GRID2: variants seen among roughly 807,000 people sequenced by gnomAD.
The protein encoded by GRID2 is glutamate receptor ionotropic, delta-2.
Under a neutral mutation model 114.8 loss-of-function variants are expected in GRID2, and 33 were observed. The observed-to-expected ratio is 0.29, with a 90% CI of 0.22 to 0.38. GRID2 has a LOEUF of 0.38. Ranked by LOEUF, GRID2 falls within the 10% of genes least tolerant of loss-of-function variation. The pLI is 1.00. For missense variants in GRID2, 1,184 were observed against 1,257.7 expected (o/e 0.94, Z 0.89); for synonymous variants, 505 against 449.9 (o/e 1.12, Z -1.55).
In GRID2 at chr4:93,434,479, C is replaced by T. The variant is rs1192770718; in HGVS notation, c.1545+11511C>T. On this transcript the variant is annotated intron_variant, in intron 10 of 15. Coordinates refer to ENST00000282020, the MANE Select transcript of GRID2 (RefSeq NM_001510.4). Reference sequence around the variant, plus strand: ...ATATATAAAAAAAATTTAAAAAAGACCAAAGCCAACAATCTCTTCTAAACT... The same window carrying T: ...ATATATAAAAAAAATTTAAAAAAGATCAAAGCCAACAATCTCTTCTAAACT... 3.3e-5 allele frequency among the ~76,000 whole-genome samples: 5 copies of T among 152,116 alleles called. 1 individual carries two copies. The East Asian group carries it at 9.7e-4, about 29-fold the overall frequency.
intron 1 of GRID2, among the ~76,000 whole-genome samples, chr4:92,340,337 A>G (rs1026016314): frequency 1.3e-5 from 2 of 152,152 alleles, no homozygotes; most frequent in Non-Finnish European, 2.9e-5. Context: ...ATTTTCCCGC[A>G]TGAGTGTCCC....
intron 1 of GRID2, among the ~76,000 whole-genome samples, chr4:92,412,897 G>T (rs901204521): frequency 3.3e-5 from 5 of 152,112 alleles, no homozygotes; most frequent in Admixed American, 2.6e-4. Context: ...ACAAATCAGA[G>T]GTCATTGCTT....
chr4:93,143,919 T>G (rs1735975070), intron 4 of GRID2, among the ~76,000 whole-genome samples: 1 of 152,186 alleles, frequency 6.6e-6, no homozygotes, highest in South Asian at 2.1e-4. Flanking sequence ...GAAGTTTTTC[T>G]TAAAGGACAT....
intron 1 of GRID2, among the ~76,000 whole-genome samples, chr4:92,356,402 A>G (rs1728324473): frequency 6.6e-6 from 1 of 151,468 alleles, no homozygotes; most frequent in Non-Finnish European, 1.5e-5. Context: ...GGTTTAGGAA[A>G]ACGTTCTATT....
intron 8 of GRID2, among the ~76,000 whole-genome samples, chr4:93,385,875 G>A (rs543885890): frequency 2.0e-5 from 3 of 151,926 alleles, no homozygotes; most frequent in Non-Finnish European, 4.4e-5. Context: ...CCATCCTAAT[G>A]TTCTTTACTT....
intron 14 of GRID2, among the ~76,000 whole-genome samples, chr4:93,726,814 G>C (rs556080334): frequency 6.6e-6 from 1 of 152,154 alleles, no homozygotes; most frequent in African/African-American, 2.4e-5. Flanking sequence ...AAGAATGCTT[G>C]TGATTTTTGT....
At chr4:92,607,587 A>G (rs1209393771) in intron 2 of GRID2, among the ~76,000 whole-genome samples, 1 of 151,884 alleles carries the variant, frequency 6.6e-6, no homozygotes, top group African/African-American at 2.4e-5. Flanking sequence ...AACGAGTTAC[A>G]ACAGACCTGT....
chr4:93,590,147 G>A (rs889280446), intron 13 of GRID2, among the ~76,000 whole-genome samples: 18 of 150,426 alleles, frequency 1.2e-4, no homozygotes, highest in African/African-American at 4.4e-4. Context: ...GTCCTGAATG[G>A]TAATGCCTAG....
intron 8 of GRID2, among the ~76,000 whole-genome samples, chr4:93,253,904 T>C (rs917811460): frequency 6.6e-6 from 1 of 152,162 alleles, no homozygotes; most frequent in Non-Finnish European, 1.5e-5. Context: ...TTTCTCTACT[T>C]CTTTTCCCTC....
intron 2 of GRID2, among the ~76,000 whole-genome samples, chr4:92,933,411 T>A (rs1442513154): frequency 1.3e-5 from 2 of 151,402 alleles, no homozygotes; most frequent in African/African-American, 4.8e-5. Flanking sequence ...AATTTTAAAT[T>A]CTATGCTTCA....
intron 8 of GRID2, among the ~76,000 whole-genome samples, chr4:93,301,058 T>C (rs2149167515): frequency 6.6e-6 from 1 of 152,312 alleles, no homozygotes; most frequent in Non-Finnish European, 1.5e-5. Flanking sequence ...CTGTCTTTGG[T>C]TTTACTGCCT....
chr4:93,020,892 C>A lies in GRID2; in HGVS notation c.245-64103C>A, dbSNP rs578215566. ...TACTAAAAATACAAAATTAGCCGGG[C>A]ATGGTGGCGGGCACCTGTAATCCCA... On this transcript the variant is annotated intron_variant, in intron 2 of 15. Coordinates refer to ENST00000282020, the MANE Select transcript of GRID2 (RefSeq NM_001510.4). Among the ~76,000 whole-genome samples, 212 of 152,004 alleles carry A rather than the reference C, an allele frequency of 1.4e-3. 1 individual carries two copies. Among genetic ancestry groups the A allele is most frequent in the African/African-American group, 4.9e-3 (204 of 41,484 alleles).
chr4:92,902,587 T>A lies in GRID2; in HGVS notation c.245-182408T>A, dbSNP rs941711988. 1.3e-5 allele frequency among the ~76,000 whole-genome samples: 2 copies of A among 152,060 alleles called. 1 individual carries two copies. The highest frequency in any genetic ancestry group is 2.9e-5 in the Non-Finnish European group (2 of 67,962). ...TTGCCTAGGCCAATGACCAGAACAG[T>A]TTTTCCTAGATTCTTTTCTAGTATT... On this transcript the variant is annotated intron_variant, in intron 2 of 15. Transcript: ENST00000282020.
intron 13 of GRID2, among the ~76,000 whole-genome samples, chr4:93,594,949 T>A (rs1291468311): frequency 6.6e-6 from 1 of 152,190 alleles, no homozygotes; most frequent in Admixed American, 6.5e-5. Flanking sequence ...CTGCACCCAC[T>A]GTCTGGCACT....
chr4:92,747,939 A>G (rs951751788), intron 2 of GRID2, among the ~76,000 whole-genome samples: 1 of 152,148 alleles, frequency 6.6e-6, no homozygotes, highest in African/African-American at 2.4e-5. Flanking sequence ...TGAAGTCCCT[A>G]TACTAGAAGT....
intron 2 of GRID2, among the ~76,000 whole-genome samples, chr4:92,943,456 T>G (rs1427609411): frequency 6.6e-6 from 1 of 152,198 alleles, no homozygotes; most frequent in Admixed American, 6.5e-5. Context: ...TTCTCTGCAT[T>G]GGTTATTTTA....
intron 11 of GRID2, among the ~76,000 whole-genome samples, chr4:93,462,817 A>G (rs904639145): frequency 2.0e-5 from 3 of 152,202 alleles, no homozygotes; most frequent in Non-Finnish European, 4.4e-5. Flanking sequence ...AGCTAAAGCC[A>G]TTTCTTTATA....
At chr4:93,353,419 G>T (rs1760997789) in intron 8 of GRID2, among the ~76,000 whole-genome samples, 2 of 151,944 alleles carry the variant, frequency 1.3e-5, no homozygotes, top group Admixed American at 1.3e-4. Context: ...AAAGCTTAGA[G>T]AAAGAATGGC....
intron 1 of GRID2, among the ~76,000 whole-genome samples, chr4:92,381,532 A>T (rs965749406): frequency 6.6e-6 from 1 of 151,914 alleles, no homozygotes; most frequent in Non-Finnish European, 1.5e-5. Context: ...CAATGCCAAT[A>T]ATCTAAAAGA....
Sources: gnomAD v4.1 joint callset for allele counts (sites outside exome capture counted in the v4.1 genomes callset) on GRCh38, gnomAD v4.1.1 for gene constraint, MANE v1.5 for transcripts, NCBI Gene and HGNC (gene_info 2026-07-23, HGNC 2026-07-21) for gene names.